Variants in TENT5D observed in about 807,000 individuals in gnomAD.
TENT5D encodes the protein cancer/testis antigen 112.
For synonymous variants in TENT5D, 103 were observed against 100.6 expected (o/e 1.02, Z -0.15); for missense variants, 191 against 287.0 (o/e 0.67, Z 2.42).
chrX:80,347,359 A>G (rs935724315), intron 3 of TENT5D, among the ~76,000 whole-genome samples: 1 of 111,890 alleles, frequency 8.9e-6, no homozygotes, highest in African/African-American at 3.3e-5. Flanking sequence ...AGACTTTTTA[A>G]TGATGGCCAT....
At chrX:80,388,124 G>A (rs1207192400) in intron 3 of TENT5D, among the ~76,000 whole-genome samples, 1 of 110,373 alleles carries the variant, frequency 9.1e-6, no homozygotes, top group African/African-American at 3.3e-5. Context: ...TCAACCTTCA[G>A]GGCAGTGAGC....
At chrX:80,362,868 A>G (rs1930437806) in intron 3 of TENT5D, among the ~76,000 whole-genome samples, 1 of 111,755 alleles carries the variant, frequency 8.9e-6, no homozygotes, top group South Asian at 3.7e-4. Flanking sequence ...ATCTTCATCT[A>G]TTATTTTCAT....
chrX:80,430,819 GAA>G (rs1197351733), intron 1 of TENT5D, among the ~76,000 whole-genome samples: 2 of 111,176 alleles, frequency 1.8e-5, no homozygotes, highest in Non-Finnish European at 3.8e-5. Flanking sequence ...TACCCAACTA[GAA>G]AAGAGGCGGG....
chrX:80,431,934 T>G (rs1330014693), intron 1 of TENT5D, among the ~76,000 whole-genome samples: 1 of 111,392 alleles, frequency 9.0e-6, no homozygotes, highest in South Asian at 3.8e-4. Flanking sequence ...TAACTCCCTG[T>G]TTAACTCCAT....
chrX:80,368,402 A>G (rs777882305), intron 3 of TENT5D, among the ~76,000 whole-genome samples: 91 of 111,454 alleles, frequency 8.2e-4, no homozygotes, highest in Non-Finnish European at 1.6e-3. Context: ...CTTCTTGTAT[A>G]TTATTCTTTT....
chrX:80,442,876 C>T, exon 3 of TENT5D: 1 of 1,210,287 alleles, frequency 8.3e-7, no homozygotes, highest in South Asian at 1.8e-5. Flanking sequence ...TGACTTTTTA[C>T]CAAAAGATGT....
chrX:80,336,770 T>A (rs1929859546), intron 2 of TENT5D, among the ~76,000 whole-genome samples: 1 of 112,127 alleles, frequency 8.9e-6, no homozygotes, highest in Middle Eastern at 4.7e-3. Flanking sequence ...AAGCCTTTTT[T>A]AAAAAGTGTT....
At chrX:80,414,845 G>A (rs906249876) in intron 3 of TENT5D, among the ~76,000 whole-genome samples, 6 of 111,802 alleles carry the variant, frequency 5.4e-5, no homozygotes, top group African/African-American at 2.0e-4. Context: ...TTCCCAGCTT[G>A]ACTTTTCCCT....
At chrX:80,336,247 TTTTATC>T (rs1255989745) in intron 2 of TENT5D, among the ~76,000 whole-genome samples, 5 of 111,347 alleles carry the variant, frequency 4.5e-5, no homozygotes, top group African/African-American at 1.6e-4. Context: ...ATAAGTTTCT[TTTTATC>T]TTTGTTTCTT....
At chrX:80,389,654 G>T (rs1931088685) in intron 3 of TENT5D, among the ~76,000 whole-genome samples, 1 of 112,311 alleles carries the variant, frequency 8.9e-6, no homozygotes, top group Admixed American at 9.5e-5. Flanking sequence ...AGAAGAAATT[G>T]TTTAGAAGAC....
intron 3 of TENT5D, among the ~76,000 whole-genome samples, chrX:80,382,389 G>A (rs780167073): frequency 4.0e-4 from 45 of 111,689 alleles, no homozygotes; most frequent in Non-Finnish European, 7.7e-4. Context: ...GGTGTCAGTC[G>A]GCCCCTACTG....
At position 80,338,361 on chromosome X, in the gene TENT5D, T is replaced by C. The variant is rs1369965923; in HGVS notation, c.-207+2645T>C. On this transcript the variant is annotated intron_variant, in intron 2 of 4. Coordinates refer to the TENT5D transcript ENST00000538312. ...TTGATAAATCAGATATGGCGGATACTTAGAAGGTGTGAATTTGACTGGGAT... is the reference window on the plus strand; with the variant it reads ...TTGATAAATCAGATATGGCGGATACCTAGAAGGTGTGAATTTGACTGGGAT... Among the ~76,000 whole-genome samples the C allele has an allele frequency of 2.7e-5, 3 of 111,999 alleles. No individual in the cohort carries two copies. The East Asian group carries it at 8.5e-4, about 32-fold the overall frequency.
intron 1 of TENT5D, among the ~76,000 whole-genome samples, chrX:80,425,378 A>T (rs6652947): frequency 0.12 from 13,137 of 112,158 alleles, 869 homozygotes; most frequent in African/African-American, 0.25. Flanking sequence ...AAAAGATTAT[A>T]TTAGCTTTTT....
intron 3 of TENT5D, among the ~76,000 whole-genome samples, chrX:80,384,737 C>A (rs1023700855): frequency 4.0e-4 from 42 of 106,013 alleles, no homozygotes; most frequent in Non-Finnish European, 7.1e-4. Flanking sequence ...TCTCAGGATA[C>A]AAAGTCAATG....
chrX:80,352,680 T>C (rs1460921227), intron 3 of TENT5D, among the ~76,000 whole-genome samples: 1 of 94,999 alleles, frequency 1.1e-5, no homozygotes, highest in African/African-American at 4.1e-5. Context: ...CTTCTGTCTC[T>C]ATGGGGTTCC....
intron 3 of TENT5D, among the ~76,000 whole-genome samples, chrX:80,362,453 G>A (rs1485340970): frequency 8.9e-6 from 1 of 112,201 alleles, no homozygotes; most frequent in African/African-American, 3.2e-5. Flanking sequence ...ATGAGCCACC[G>A]TGCCCGGCTG....
At chrX:80,339,613 G>C (rs1929918140) in intron 2 of TENT5D, among the ~76,000 whole-genome samples, 1 of 110,374 alleles carries the variant, frequency 9.1e-6, no homozygotes, top group Admixed American at 9.7e-5. Context: ...GTGGGTTTTA[G>C]TGGTGGTCAC....
At chrX:80,397,250 C>T (rs1169425328) in intron 3 of TENT5D, among the ~76,000 whole-genome samples, 5 of 106,456 alleles carry the variant, frequency 4.7e-5, no homozygotes, top group African/African-American at 1.0e-4. Context: ...ACCTCCCAGA[C>T]GGGGTCGCAG....
chrX:80,338,589 T>C (rs1349995257), intron 2 of TENT5D, among the ~76,000 whole-genome samples: 1 of 112,665 alleles, frequency 8.9e-6, no homozygotes, highest in Non-Finnish European at 1.9e-5. Context: ...TTAAAAACAT[T>C]TATGAAACAA....
Sources: allele counts gnomAD v4.1 joint callset (sites outside exome capture counted in the v4.1 genomes callset), GRCh38; gene constraint gnomAD v4.1.1; transcripts MANE v1.5; gene names NCBI Gene and HGNC (gene_info 2026-07-23, HGNC 2026-07-21).